The following SLFN12L variants were observed in gnomAD, a reference collection of about 807,000 sequenced individuals.
SLFN12L encodes the protein schlafen family member 12-like.
A neutral mutation model predicts 34.8 loss-of-function variants in SLFN12L; 34 were observed. That is an observed-to-expected ratio of 0.98 (90% CI 0.74 to 1.30). SLFN12L has a LOEUF of 1.30. Among genes scored for constraint, SLFN12L ranks in the 50% most tolerant of loss-of-function variants. The pLI is 0.00. For missense variants in SLFN12L, 703 were observed against 696.2 expected, an observed-to-expected ratio of 1.01 and a Z score of -0.11; for synonymous variants, 259 against 247.5, an observed-to-expected ratio of 1.05 and a Z score of -0.44.
At position 35,467,979 on chromosome 17, in the gene SLFN12L, G is replaced by A. The variant is rs1010530656; in HGVS notation, c.*6944C>T. 6.6e-6 allele frequency among the ~76,000 whole-genome samples: 1 copy of A among 152,082 alleles called. No individual in the cohort carries two copies. Among genetic ancestry groups the A allele is most frequent in the Non-Finnish European group, 1.5e-5 (1 of 68,018 alleles). ...GGCTGGAGTGCAGTGGCGTGATCACGATTCACTCCCCACTCTACTTCCTGG... is the reference window on the plus strand; with the variant it reads ...GGCTGGAGTGCAGTGGCGTGATCACAATTCACTCCCCACTCTACTTCCTGG... On this transcript the variant is annotated 3_prime_UTR_variant, in exon 5 of 5. Coordinates refer to ENST00000628453, the MANE Select transcript of SLFN12L (RefSeq NM_001363830.2).
At chr17:35,533,979 C>T (rs1349337500) in intron 1 of SLFN12L, among the ~76,000 whole-genome samples, 8 of 150,814 alleles carry the variant, frequency 5.3e-5, no homozygotes, top group African/African-American at 9.8e-5. Context: ...GGCTGAGGCA[C>T]GAGAATTGCT....
At chr17:35,493,338 T>C (rs1407667936) in intron 2 of SLFN12L, among the ~76,000 whole-genome samples, 3 of 152,210 alleles carry the variant, frequency 2.0e-5, no homozygotes, top group Admixed American at 6.5e-5. Context: ...AGCTTTCCCC[T>C]ATTTCCCAAA....
At chr17:35,478,570 A>G in intron 3 of SLFN12L, 1 of 193,950 alleles carries the variant, frequency 5.2e-6, no homozygotes, top group Non-Finnish European at 1.0e-5. Context: ...GAGATTTTGT[A>G]AGTTGCTAGT....
chr17:35,530,404 A>G (rs1396247362), intron 1 of SLFN12L, among the ~76,000 whole-genome samples: 11 of 10,040 alleles, frequency 1.1e-3, no homozygotes, highest in Admixed American at 4.8e-3. Flanking sequence ...GAAGGAAGGA[A>G]GGAAGGAAGG....
intron 1 of SLFN12L, among the ~76,000 whole-genome samples, chr17:35,533,095 A>T (rs1351300058): frequency 2.0e-5 from 3 of 152,222 alleles, no homozygotes; most frequent in African/African-American, 2.4e-5. Flanking sequence ...CAATTTGTAA[A>T]CATCAAATAA....
chr17:35,525,110 A>G (rs2072321090), intron 1 of SLFN12L, among the ~76,000 whole-genome samples: 1 of 152,030 alleles, frequency 6.6e-6, no homozygotes, highest in South Asian at 2.1e-4. Flanking sequence ...AGGATATCAG[A>G]GACTGAAGAT....
intron 2 of SLFN12L, among the ~76,000 whole-genome samples, chr17:35,496,585 C>A (rs1436725540): frequency 6.6e-6 from 1 of 151,528 alleles, no homozygotes; most frequent in Non-Finnish European, 1.5e-5. Flanking sequence ...TCCCTTCTCC[C>A]TGGAAGGAGC....
chr17:35,518,216 A>G (rs1915891064), intron 2 of SLFN12L, among the ~76,000 whole-genome samples: 1 of 152,208 alleles, frequency 6.6e-6, no homozygotes, highest in African/African-American at 2.4e-5. Context: ...AAACAACCCT[A>G]TCAAAAAGTG....
chr17:35,466,028 G>T lies in SLFN12L; in HGVS notation c.*8895C>A, dbSNP rs1355130304. Among the ~76,000 whole-genome samples, 1 of 151,908 alleles carries T rather than the reference G, an allele frequency of 6.6e-6. No individual in the cohort carries two copies. The highest frequency in any genetic ancestry group is 1.5e-5 in the Non-Finnish European group (1 of 67,986). On this transcript the variant is annotated 3_prime_UTR_variant, in exon 5 of 5. Coordinates refer to ENST00000628453, the MANE Select transcript of SLFN12L (RefSeq NM_001363830.2). ...TCTAGAGCAGATTCACAGCAAAATT[G>T]AGCGGAAAGTACAAAGATTTTCCAT...
intron 1 of SLFN12L, among the ~76,000 whole-genome samples, chr17:35,529,591 A>G (rs1017756558): frequency 1.3e-5 from 2 of 152,112 alleles, no homozygotes; most frequent in South Asian, 4.1e-4. Context: ...AACTAACACA[A>G]GAACAGAAAA....
rs1158519150 is a variant in SLFN12L, at chr17:35,471,916, T to C, written c.*3007A>G. On this transcript the variant is annotated 3_prime_UTR_variant, in exon 5 of 5. Coordinates refer to ENST00000628453, the MANE Select transcript of SLFN12L (RefSeq NM_001363830.2). ...ATCCACTTTTCAATGGGGTTGTTTT[T>C]TCCTTGTAAATTTGTTTAAGTTCCT... 6.6e-6 allele frequency among the ~76,000 whole-genome samples: 1 copy of C among 152,170 alleles called. No individual in the cohort carries two copies. Among genetic ancestry groups the C allele is most frequent in the East Asian group, 1.9e-4 (1 of 5,198 alleles).
intron 2 of SLFN12L, among the ~76,000 whole-genome samples, chr17:35,504,384 T>C (rs1401344182): frequency 1.3e-5 from 2 of 152,208 alleles, no homozygotes; most frequent in Non-Finnish European, 1.5e-5. Context: ...AAATCATACA[T>C]TCATTTTACT....
At chr17:35,479,065 T>G in intron 3 of SLFN12L, 52 bp downstream of exon 3, 1 of 1,375,424 alleles carries the variant, frequency 7.3e-7, no homozygotes, top group South Asian at 1.5e-5. Context: ...CAATAAAACC[T>G]TCCTGCCACC....
intron 2 of SLFN12L, among the ~76,000 whole-genome samples, chr17:35,489,431 G>T (rs992361832): frequency 1.3e-5 from 2 of 152,112 alleles, no homozygotes; most frequent in African/African-American, 4.8e-5. Context: ...CAGTGCACTT[G>T]TGGTCCCAGC....
chr17:35,502,523 A>G (rs939001765), intron 2 of SLFN12L, among the ~76,000 whole-genome samples: 1 of 151,814 alleles, frequency 6.6e-6, no homozygotes, highest in Non-Finnish European at 1.5e-5. Context: ...TAATTACCAT[A>G]CAAAGGTCCG....
At chr17:35,524,571 C>T (rs760583356) in intron 1 of SLFN12L, among the ~76,000 whole-genome samples, 11 of 152,226 alleles carry the variant, frequency 7.2e-5, no homozygotes, top group African/African-American at 2.7e-4. Context: ...ACTGGTGATA[C>T]CCAGGCAAAC....
intron 2 of SLFN12L, chr17:35,509,991 C>A (rs1304514306): frequency 6.6e-6 from 1 of 152,144 alleles, no homozygotes; most frequent in African/African-American, 2.4e-5. Flanking sequence ...GCCACCGCGC[C>A]CGGCCAAAAA....
In SLFN12L at chr17:35,467,382, A is replaced by G. The variant is rs1913732103; in HGVS notation, c.*7541T>C. The stretch of plus-strand genomic sequence containing the variant: ...GAACACTAAGAACCTCTTTCCTCTT[A>G]GATACCCAAAATCACGTGTCTATGT... On this transcript the variant is annotated 3_prime_UTR_variant, in exon 5 of 5. Transcript: ENST00000628453. Among the ~76,000 whole-genome samples, 1 of 152,216 alleles carries G rather than the reference A, an allele frequency of 6.6e-6. No homozygotes were observed. Among genetic ancestry groups the G allele is most frequent in the Non-Finnish European group, 1.5e-5 (1 of 68,030 alleles).
chr17:35,490,181 C>T (rs79865455), intron 2 of SLFN12L: 91,389 of 1,605,028 alleles, frequency 0.057, 3,106 homozygotes, highest in Non-Finnish European at 0.068. Flanking sequence ...GCTGCAGCCA[C>T]CAGCGCTGGG....
Sources: gnomAD v4.1 joint callset for allele counts (sites outside exome capture counted in the v4.1 genomes callset) on GRCh38, gnomAD v4.1.1 for gene constraint, MANE v1.5 for transcripts, NCBI Gene and HGNC (gene_info 2026-07-23, HGNC 2026-07-21) for gene names.